The following DENND1B variants were observed in gnomAD, a reference collection of about 807,000 sequenced individuals.
DENND1B encodes the protein DENN domain containing 1B.
A neutral mutation model predicts 90.1 loss-of-function variants in DENND1B; 59 were observed. That is an observed-to-expected ratio of 0.65 (90% CI 0.53 to 0.81). DENND1B has a LOEUF of 0.81. DENND1B is among the 40% of genes least tolerant of loss of function. DENND1B has a pLI of 0.00. For synonymous variants in DENND1B, 337 were observed against 324.6 expected, an observed-to-expected ratio of 1.04 and a Z score of -0.41; for missense variants, 862 against 912.6, an observed-to-expected ratio of 0.94 and a Z score of 0.71.
chr1:197,747,919 T>C (rs1004680126), intron 2 of DENND1B, among the ~76,000 whole-genome samples: 2 of 152,222 alleles, frequency 1.3e-5, no homozygotes, highest in African/African-American at 4.8e-5. Context: ...CCTCTATTTC[T>C]GATCATGGAA....
chr1:197,579,263 A>G (rs1165035618), intron 15 of DENND1B, among the ~76,000 whole-genome samples: 1 of 152,194 alleles, frequency 6.6e-6, no homozygotes, highest in African/African-American at 2.4e-5. Context: ...TTGTTGGGAA[A>G]TGTCCTCATG....
At chr1:197,575,525 G>A (rs114146036) in intron 15 of DENND1B, among the ~76,000 whole-genome samples, 3,016 of 152,282 alleles carry the variant, frequency 0.02, 39 homozygotes, top group Non-Finnish European at 0.033. Flanking sequence ...AAAGTGTGAG[G>A]ATTCCTCAAG....
At position 197,510,943 on chromosome 1, in the gene DENND1B, G is replaced by A. The variant is rs1445358053; in HGVS notation, c.1845C>T (p.Asn615=). Residue 615 remains asparagine (N), a synonymous_variant, in exon 23 of 23, where the codon AAC becomes AAT. Coordinates refer to ENST00000620048, the MANE Select transcript of DENND1B (RefSeq NM_001195215.2). ...CAGAACCACCACAGAGGAAAGCCAGGTTATTCTCACTAGGAGCATTAGATT... is the reference window on the plus strand; with the variant it reads ...CAGAACCACCACAGAGGAAAGCCAGATTATTCTCACTAGGAGCATTAGATT... The part of the protein sequence containing the change: ...TNKSNAPSEN[N]LAFLCGGSGD... The A allele has an allele frequency of 5.2e-6, 8 of 1,545,760 alleles. No individual in the cohort carries two copies. In the Admixed American group the frequency reaches 1.1e-4, roughly 21 times the overall value.
At chr1:197,552,941 TA>T (rs371856616) in intron 16 of DENND1B, 80 bp downstream of exon 16, 403 of 1,534,656 alleles carry the variant, frequency 2.6e-4, no homozygotes, top group Middle Eastern at 2.0e-3. Flanking sequence ...GTTTATGAAA[TA>T]GGTTTTATCA....
chr1:197,693,555 C>G (rs1466409154), intron 3 of DENND1B, among the ~76,000 whole-genome samples: 2 of 151,578 alleles, frequency 1.3e-5, no homozygotes, highest in African/African-American at 4.8e-5. Flanking sequence ...CATAATTTAT[C>G]TGAATCAAAA....
chr1:197,714,564 TA>T lies in DENND1B; in HGVS notation c.126+466del, dbSNP rs1359268328. 5.3e-5 allele frequency among the ~76,000 whole-genome samples: 8 copies of T among 152,046 alleles called. No individual in the cohort carries two copies. The East Asian group carries it at 1.4e-3, about 26-fold the overall frequency. ...GCTATAGGTAAGAACTATTTTAAAA[TA>T]AAAAAAGTGATAATTCAACTTCTAT... On this transcript the variant is annotated intron_variant, in intron 3 of 22. Coordinates refer to ENST00000620048, the MANE Select transcript of DENND1B (RefSeq NM_001195215.2).
chr1:197,534,383 ATTTCT>A (rs1669727550), intron 20 of DENND1B, among the ~76,000 whole-genome samples: 1 of 152,200 alleles, frequency 6.6e-6, no homozygotes, highest in Non-Finnish European at 1.5e-5. Context: ...AGAAAACTAA[ATTTCT>A]GTCTTCCAAA....
intron 18 of DENND1B, among the ~76,000 whole-genome samples, chr1:197,544,294 T>C (rs1302824683): frequency 1.3e-5 from 2 of 152,144 alleles, no homozygotes; most frequent in African/African-American, 4.8e-5. Context: ...ACTAGGTGGA[T>C]AAAGGCCAAG....
chr1:197,537,398 C>T (rs1227664148), intron 20 of DENND1B, among the ~76,000 whole-genome samples: 6 of 151,750 alleles, frequency 4.0e-5, no homozygotes, highest in Non-Finnish European at 2.9e-5. Context: ...ATATAGTAGC[C>T]CTGAAGACTT....
intron 15 of DENND1B, among the ~76,000 whole-genome samples, chr1:197,581,882 A>G (rs769066423): frequency 1.3e-5 from 2 of 152,170 alleles, no homozygotes; most frequent in African/African-American, 2.4e-5. Flanking sequence ...ACAAAAAGGT[A>G]CTGATATTTT....
chr1:197,632,885 C>T (rs1679457957), intron 10 of DENND1B, among the ~76,000 whole-genome samples: 2 of 152,068 alleles, frequency 1.3e-5, no homozygotes, highest in Admixed American at 6.6e-5. Context: ...AACTGGGGTG[C>T]TTCTACATAA....
In DENND1B at chr1:197,646,509, G is replaced by GA. The variant is rs796655021; in HGVS notation, c.507+545_507+546insT. ...TCAAAGTGCAATTTAATCATCAAAAGTTTTATTTTCTGTTCATATTAATCT... is the reference window on the plus strand; with the variant it reads ...TCAAAGTGCAATTTAATCATCAAAAGATTTTATTTTCTGTTCATATTAATCT... On this transcript the variant is annotated intron_variant, in intron 8 of 22. Coordinates refer to ENST00000620048, the MANE Select transcript of DENND1B (RefSeq NM_001195215.2). Among the ~76,000 whole-genome samples the GA allele has an allele frequency of 8.2e-4, 124 of 151,618 alleles. 1 individual carries two copies. Among genetic ancestry groups the GA allele is most frequent in the Middle Eastern group, 3.4e-3 (1 of 294 alleles).
chr1:197,523,871 A>G (rs1305589885), intron 20 of DENND1B, among the ~76,000 whole-genome samples: 2 of 152,150 alleles, frequency 1.3e-5, no homozygotes, highest in East Asian at 3.9e-4. Flanking sequence ...ATTAAGAATT[A>G]TAAGACATGA....
chr1:197,643,196 C>T (rs1680429148), intron 9 of DENND1B, among the ~76,000 whole-genome samples: 1 of 151,580 alleles, frequency 6.6e-6, no homozygotes, highest in African/African-American at 2.4e-5. Flanking sequence ...TTTTTGTCAC[C>T]CAGGCTGGAG....
chr1:197,520,234 T>G (rs1241084849), intron 20 of DENND1B, among the ~76,000 whole-genome samples: 1 of 151,988 alleles, frequency 6.6e-6, no homozygotes, highest in Non-Finnish European at 1.5e-5. Context: ...TGCATACTAC[T>G]GCCTTCCATG....
At chr1:197,650,348 C>A (rs561729644) in intron 7 of DENND1B, among the ~76,000 whole-genome samples, 19 of 152,172 alleles carry the variant, frequency 1.2e-4, no homozygotes, top group African/African-American at 4.1e-4. Flanking sequence ...ACCTGATCAC[C>A]GCATCCCACG....
chr1:197,537,749 A>G (rs998661404), intron 20 of DENND1B, among the ~76,000 whole-genome samples: 1 of 152,042 alleles, frequency 6.6e-6, no homozygotes, highest in African/African-American at 2.4e-5. Flanking sequence ...TTTTTTAATT[A>G]CATTATCATA....
chr1:197,528,136 G>C (rs1321256006), intron 20 of DENND1B, among the ~76,000 whole-genome samples: 5 of 152,106 alleles, frequency 3.3e-5, no homozygotes, highest in Admixed American at 6.5e-5. Flanking sequence ...TAATTTAAGA[G>C]AACCTAAGAT....
chr1:197,615,502 A>T (rs1677566910), intron 11 of DENND1B, among the ~76,000 whole-genome samples: 1 of 151,054 alleles, frequency 6.6e-6, no homozygotes, highest in African/African-American at 2.4e-5. Flanking sequence ...TTTCCTATCA[A>T]ATCTTCATGA....
Sources: gnomAD v4.1 joint callset for allele counts (sites outside exome capture counted in the v4.1 genomes callset) on GRCh38, gnomAD v4.1.1 for gene constraint, MANE v1.5 for transcripts, NCBI Gene and HGNC (gene_info 2026-07-23, HGNC 2026-07-21) for gene names.